The following ATXN2 variants were observed in gnomAD, a reference collection of about 807,000 sequenced individuals.
ATXN2 encodes ataxin-2.
Under a neutral mutation model 138.6 loss-of-function variants are expected in ATXN2, and 37 were observed. The observed-to-expected ratio is 0.27, with a 90% confidence interval of 0.21 to 0.35. The LOEUF is 0.35. ATXN2 is among the 10% of genes least tolerant of loss of function. The pLI, the probability that ATXN2 is intolerant of heterozygous loss-of-function variation, is 1.00. For missense variants in ATXN2, 1,216 were observed against 1,480.3 expected (o/e 0.82, Z 2.93); for synonymous variants, 549 against 543.7 (o/e 1.01, Z -0.13).
intron 18 of ATXN2, among the ~76,000 whole-genome samples, chr12:111,472,197 G>A (rs1181130362): frequency 1.3e-5 from 2 of 152,122 alleles, no homozygotes; most frequent in African/African-American, 4.8e-5. Context: ...AGCCAGGGAG[G>A]CAGATGCCGC....
Position 111,598,977 on chromosome 12 carries a change from G to GC in ATXN2, c.57_58insG (p.Gln20AlafsTer70), listed in dbSNP as rs764097242. On this transcript the variant is annotated frameshift_variant, in exon 1 of 25. Coordinates refer to ENST00000673436, the MANE Select transcript of ATXN2 (RefSeq NM_001372574.1). LOFTEE classifies it high-confidence loss of function. The surrounding 1 kb of genome is among the most constrained non-coding windows in gnomAD (Gnocchi z 4.5). Reference sequence around the variant, plus strand: ...TGCTGCTGCTGCTGCTGCTGCTGCTGTTGCTGCTGCTGCTGCTGCTGCTGC... The same window carrying GC: ...TGCTGCTGCTGCTGCTGCTGCTGCTGCTTGCTGCTGCTGCTGCTGCTGCTGC... The GC allele has an allele frequency of 3.9e-4, 469 of 1,213,110 alleles. 1 individual carries two copies. In the African/African-American group the frequency reaches 4.4e-3, roughly 11 times the overall value. 75.1% of individuals were successfully genotyped at this position (1,213,110 alleles called of 1,614,324 possible).
intron 14 of ATXN2, among the ~76,000 whole-genome samples, chr12:111,497,659 T>C (rs1878504714): frequency 6.6e-6 from 1 of 151,228 alleles, no homozygotes; most frequent in South Asian, 2.1e-4. Flanking sequence ...GTGTATGATA[T>C]AAATATATAT....
chr12:111,493,120 T>C (rs761566068), intron 14 of ATXN2, among the ~76,000 whole-genome samples: 2 of 151,962 alleles, frequency 1.3e-5, no homozygotes, highest in African/African-American at 4.8e-5. Context: ...TTCAGGCTAT[T>C]TGAAAATAAA....
intron 14 of ATXN2, among the ~76,000 whole-genome samples, chr12:111,491,027 G>A (rs1222583896): frequency 1.3e-5 from 2 of 151,974 alleles, no homozygotes; most frequent in South Asian, 2.1e-4. Flanking sequence ...CGAGGCGGAC[G>A]GATAACCTGA....
rs1437586194 is a variant in ATXN2, at chr12:111,579,828, T to G, written c.251+18956A>C. 3.3e-5 allele frequency among the ~76,000 whole-genome samples: 5 copies of G among 151,286 alleles called. No individual in the cohort carries two copies. In the East Asian group the frequency reaches 5.9e-4, roughly 18 times the overall value. On this transcript the variant is annotated intron_variant, in intron 1 of 24. Transcript: ENST00000673436. ...ATTCTCCTGTCTCAGCCCCCCCGAG[T>G]AGCTGGGATTACAGGAGCGCGCCAC...
At chr12:111,568,114 A>G (rs1883116368) in intron 1 of ATXN2, among the ~76,000 whole-genome samples, 1 of 152,004 alleles carries the variant, frequency 6.6e-6, no homozygotes, top group South Asian at 2.1e-4. Flanking sequence ...TACAAAAATT[A>G]GCCGGGCGTG....
chr12:111,479,415 A>G (rs113038620), intron 18 of ATXN2, among the ~76,000 whole-genome samples: 111 of 145,736 alleles, frequency 7.6e-4, no homozygotes, highest in South Asian at 2.3e-3. Flanking sequence ...AAAAAAAAAA[A>G]AGAGAGAGAG....
intron 10 of ATXN2, among the ~76,000 whole-genome samples, chr12:111,513,950 T>C (rs960736100): frequency 1.3e-5 from 2 of 152,114 alleles, no homozygotes; most frequent in African/African-American, 4.8e-5. Flanking sequence ...TATTTTACCT[T>C]TCCCTGACCC....
intron 21 of ATXN2, chr12:111,457,911 C>T (rs916052655): frequency 1.3e-5 from 2 of 152,404 alleles, no homozygotes; most frequent in African/African-American, 4.8e-5. Context: ...AGTTTACTTT[C>T]CCAAGCCCTA....
chr12:111,520,164 A>C, intron 7 of ATXN2, 88 bp from the exon 8 acceptor site: 1 of 1,467,204 alleles, frequency 6.8e-7, no homozygotes, highest in South Asian at 1.2e-5. Context: ...GAAAGTTTAG[A>C]GTTTAGAATA....
chr12:111,562,244 A>G (rs1712535822), intron 1 of ATXN2, among the ~76,000 whole-genome samples: 1 of 152,090 alleles, frequency 6.6e-6, no homozygotes, highest in Non-Finnish European at 1.5e-5. Flanking sequence ...GACCATCCTG[A>G]GCAACTTCGC....
At chr12:111,513,897 T>C (rs949450950) in intron 10 of ATXN2, among the ~76,000 whole-genome samples, 3 of 152,148 alleles carry the variant, frequency 2.0e-5, no homozygotes, top group Non-Finnish European at 4.4e-5. Context: ...AATATGTTAC[T>C]AGAAATTATG....
Position 111,488,541 on chromosome 12 carries a change from A to C in ATXN2, c.2175T>G (p.Val725=). ...KRGPEVTSQG[V]QTSSPACKQE... ...GTTTACATGCTGGGCTGGAAGTCTG[A>C]ACCCCTTGGGAAGTGACCTCAGGTC... is the stretch of plus-strand genomic sequence containing the variant. The change falls in exon 15 of 25, where the codon GTT becomes GTG. Residue 725 remains valine (V), a synonymous_variant. Coordinates refer to ENST00000673436, the MANE Select transcript of ATXN2 (RefSeq NM_001372574.1). 6.2e-7 allele frequency: 1 copy of C among 1,614,158 alleles called. No individual in the cohort carries two copies. Among genetic ancestry groups the C allele is most frequent in the South Asian group, 1.1e-5 (1 of 91,076 alleles).
intron 6 of ATXN2, among the ~76,000 whole-genome samples, chr12:111,524,874 A>G (rs1880393630): frequency 6.6e-6 from 1 of 152,204 alleles, no homozygotes; most frequent in African/African-American, 2.4e-5. Flanking sequence ...CTGGGTGTTA[A>G]AGCAAAACAC....
intron 5 of ATXN2, among the ~76,000 whole-genome samples, chr12:111,539,672 C>T (rs1325507355): frequency 6.7e-6 from 1 of 149,618 alleles, no homozygotes. Context: ...TGGCATGAAC[C>T]CGGGAGGCGG....
intron 5 of ATXN2, among the ~76,000 whole-genome samples, chr12:111,546,005 T>G (rs914966413): frequency 5.5e-4 from 83 of 151,744 alleles, no homozygotes; most frequent in Admixed American, 5.5e-3. Flanking sequence ...GAAGATAAAT[T>G]TGTAGATAAG....
intron 21 of ATXN2, among the ~76,000 whole-genome samples, chr12:111,462,721 A>C (rs1875670403): frequency 6.6e-6 from 1 of 152,178 alleles, no homozygotes; most frequent in Non-Finnish European, 1.5e-5. Flanking sequence ...GACCTTAGCT[A>C]CTTACCAGGA....
At chr12:111,475,032 T>C (rs1184376278) in intron 18 of ATXN2, among the ~76,000 whole-genome samples, 4 of 151,924 alleles carry the variant, frequency 2.6e-5, no homozygotes, top group Non-Finnish European at 4.4e-5. Context: ...GCTAACACGG[T>C]GAAACCCTGT....
At chr12:111,574,230 C>T in intron 1 of ATXN2, among the ~76,000 whole-genome samples, 1 of 148,404 alleles carries the variant, frequency 6.7e-6, no homozygotes, top group East Asian at 2.0e-4. Flanking sequence ...ATGGCGTGAA[C>T]CCGAGAGGCA....
Sources: gnomAD v4.1 joint callset for allele counts (sites outside exome capture counted in the v4.1 genomes callset) on GRCh38, gnomAD v4.1.1 for gene constraint, Gnocchi (gnomAD v3.1) non-coding constraint, MANE v1.5 for transcripts, NCBI Gene and HGNC (gene_info 2026-07-23, HGNC 2026-07-21) for gene names.